Variants in SPDYA observed in about 807,000 individuals in gnomAD.
SPDYA encodes the protein speedy/RINGO cell cycle regulator family member A, also known as speedy protein A.
SPDYA carries 11 observed loss-of-function variants against 36.7 expected under a neutral mutation model. That is an observed-to-expected ratio of 0.30 (90% CI 0.19 to 0.50). The LOEUF is 0.50. SPDYA is among the 20% of genes least tolerant of loss of function. The pLI is 0.98. For synonymous variants in SPDYA, 115 were observed against 118.7 expected, an observed-to-expected ratio of 0.97 and a Z score of 0.20; for missense variants, 287 against 370.9, an observed-to-expected ratio of 0.77 and a Z score of 1.86.
intron 7 of SPDYA, among the ~76,000 whole-genome samples, chr2:28,843,526 T>G (rs1256199447): frequency 7.0e-6 from 1 of 142,736 alleles, no homozygotes; most frequent in Non-Finnish European, 1.5e-5. Flanking sequence ...CTCCAGCCTG[T>G]GCAAAAAGAG....
Position 28,829,205 on chromosome 2 carries a change from A to G in SPDYA, c.438A>G (p.Pro146=), listed in dbSNP as rs1264300213. ...DEEETKYEIF[P]WALGKNWRKL... ...AAGAAACCAAGTACGAAATTTTTCC[A>G]TGGGCTTTAGGGAAAAACTGGAGAA... is the stretch of plus-strand genomic sequence containing the variant. Residue 146 remains proline (P), a synonymous_variant, in exon 6 of 8, where the codon CCA becomes CCG. Coordinates refer to ENST00000334056, the MANE Select transcript of SPDYA (RefSeq NM_182756.4). 1.2e-6 allele frequency: 2 copies of G among 1,613,874 alleles called. No homozygotes were observed. The highest frequency in any genetic ancestry group is 2.2e-5 in the East Asian group (1 of 44,858).
chr2:28,832,437 A>G (rs1668500395), intron 6 of SPDYA, among the ~76,000 whole-genome samples: 1 of 152,172 alleles, frequency 6.6e-6, no homozygotes, highest in Admixed American at 6.5e-5. Flanking sequence ...TTCTATTGGT[A>G]TTAACTTATT....
At chr2:28,820,418 T>C (rs535985788) in intron 4 of SPDYA, among the ~76,000 whole-genome samples, 1 of 152,062 alleles carries the variant, frequency 6.6e-6, no homozygotes, top group South Asian at 2.1e-4. Context: ...AAACCCTGTC[T>C]CTACTAAAAA....
chr2:28,821,349 G>A (rs895595519), intron 4 of SPDYA, among the ~76,000 whole-genome samples: 1 of 151,864 alleles, frequency 6.6e-6, no homozygotes, highest in African/African-American at 2.4e-5. Context: ...ACAGGCATGT[G>A]CCACCACGCC....
rs1430710828 is a variant in SPDYA, at chr2:28,826,616, T to C, written c.381-2532T>C. ...TTCTTTTTCTTTCTTTCTCTCTTTTTTTTTTTTTTTTTTTTTTTTTGAGAC... is the reference window on the plus strand; with the variant it reads ...TTCTTTTTCTTTCTTTCTCTCTTTTCTTTTTTTTTTTTTTTTTTTTGAGAC... On this transcript the variant is annotated intron_variant, in intron 5 of 7. Coordinates refer to ENST00000334056, the MANE Select transcript of SPDYA (RefSeq NM_182756.4). Among the ~76,000 whole-genome samples the C allele has an allele frequency of 2.0e-3, 244 of 124,054 alleles. 1 individual carries two copies. Among genetic ancestry groups the C allele is most frequent in the African/African-American group, 2.6e-3 (86 of 33,456 alleles). 81.4% of individuals were successfully genotyped at this position (124,054 alleles called of 152,430 possible). A position where few individuals can be genotyped will look rare whatever the true frequency, so the allele number is the denominator to read the frequency against.
intron 7 of SPDYA, among the ~76,000 whole-genome samples, chr2:28,847,203 C>A (rs572250006): frequency 1.3e-5 from 2 of 151,784 alleles, no homozygotes; most frequent in East Asian, 3.9e-4. Context: ...ATTAGCCAGG[C>A]GTGGGAGCGT....
intron 4 of SPDYA, among the ~76,000 whole-genome samples, chr2:28,821,197 C>CTTT (rs11464702): frequency 2.4e-4 from 24 of 98,838 alleles, no homozygotes; most frequent in South Asian, 1.1e-3. Flanking sequence ...TTTTCTTTTT[C>CTTT]TTTTTTTTTT....
At chr2:28,846,473 T>C (rs1453137625) in intron 7 of SPDYA, among the ~76,000 whole-genome samples, 1 of 152,086 alleles carries the variant, frequency 6.6e-6, no homozygotes, top group Non-Finnish European at 1.5e-5. Flanking sequence ...TTAGTGACTA[T>C]TTACTGGGTA....
At chr2:28,820,052 T>A (rs1031585999) in intron 4 of SPDYA, among the ~76,000 whole-genome samples, 37 of 150,482 alleles carry the variant, frequency 2.5e-4, no homozygotes, top group Non-Finnish European at 1.0e-4. Flanking sequence ...AGAAAATCAG[T>A]ATAGACTTAA....
In SPDYA at chr2:28,824,497, A is replaced by C. The variant is rs1425812029; in HGVS notation, c.380+2087A>C. Among the ~76,000 whole-genome samples the C allele has an allele frequency of 2.7e-3, 407 of 149,864 alleles. 3 individuals are homozygous for C. The highest frequency in any genetic ancestry group is 9.1e-3 in the African/African-American group (372 of 41,044). On this transcript the variant is annotated intron_variant, in intron 5 of 7. Transcript: ENST00000334056. ...TCAGGAGAAAAAAAAAAAAACAAAA[A>C]AAAAAAACAGGACTAGAAGAAACTG...
At chr2:28,816,661 G>A (rs949643955) in intron 3 of SPDYA, among the ~76,000 whole-genome samples, 1 of 152,164 alleles carries the variant, frequency 6.6e-6, no homozygotes, top group Non-Finnish European at 1.5e-5. Context: ...AAACTAGGAA[G>A]CTTGGTCACA....
chr2:28,838,331 G>A (rs925864565), intron 6 of SPDYA, among the ~76,000 whole-genome samples: 2 of 151,738 alleles, frequency 1.3e-5, no homozygotes, highest in South Asian at 4.2e-4. Flanking sequence ...ATAGACATGC[G>A]CCACCATGCC....
intron 6 of SPDYA, among the ~76,000 whole-genome samples, chr2:28,833,404 T>A (rs1668521817): frequency 6.6e-6 from 1 of 152,142 alleles, no homozygotes; most frequent in South Asian, 2.1e-4. Context: ...CACTTACTAT[T>A]CCCATAACCT....
In SPDYA at chr2:28,816,087, T is replaced by C. The variant is rs1397555031; in HGVS notation, c.73T>C (p.Ser25Pro). The C allele has an allele frequency of 6.2e-7, 1 of 1,613,936 alleles. No homozygotes were observed. The highest frequency in any genetic ancestry group is 1.1e-5 in the South Asian group (1 of 91,076). ...TTATGTAAAATCAGGGTCAAATAGA[T>C]CACATCAGCCTAAAAAGCCCATTAC... ...TVYVKSGSNR[S>P]HQPKKPITLK... The change falls in exon 3 of 8, where the codon TCA becomes CCA. Residue 25 changes from serine to proline, a missense_variant. Ser to Pro is a moderately conservative substitution (Grantham distance 74, BLOSUM62 -1). Coordinates refer to ENST00000334056, the MANE Select transcript of SPDYA (RefSeq NM_182756.4).
At position 28,840,461 on chromosome 2, in the gene SPDYA, G is replaced by T; in HGVS notation, c.842G>T (p.Gly281Val). ...GGTGATCCTTCTCAAGCTTATACTGGTTCTGAAGGTATGATTTAGTAATAT... is the reference window on the plus strand; with the variant it reads ...GGTGATCCTTCTCAAGCTTATACTGTTTCTGAAGGTATGATTTAGTAATAT... ...IIGDPSQAYT[G>V]SEVVNDHQSN... The change falls in exon 7 of 8, where the codon GGT (glycine) becomes GTT (valine). Residue 281 changes from glycine (G) to valine (V), a missense_variant. Gly to Val is a moderately radical substitution (Grantham distance 109). Transcript: ENST00000334056. The T allele has an allele frequency of 6.2e-7, 1 of 1,613,564 alleles. No individual in the cohort carries two copies. Among genetic ancestry groups the T allele is most frequent in the Non-Finnish European group, 8.5e-7 (1 of 1,179,826 alleles).
chr2:28,845,264 T>G (rs1407942846), intron 7 of SPDYA, among the ~76,000 whole-genome samples: 4 of 138,942 alleles, frequency 2.9e-5, no homozygotes, highest in East Asian at 2.2e-4. Flanking sequence ...TTTTTTTTTT[T>G]CTTTTTTTTT....
chr2:28,829,813 A>G (rs1177382219), intron 6 of SPDYA, among the ~76,000 whole-genome samples: 5 of 151,778 alleles, frequency 3.3e-5, no homozygotes, highest in South Asian at 4.2e-4. Flanking sequence ...GCGTGGTGGC[A>G]GGCGCCTGTA....
chr2:28,846,731 A>ACG (rs1307398943), intron 7 of SPDYA, among the ~76,000 whole-genome samples: 6 of 62,362 alleles, frequency 9.6e-5, no homozygotes, highest in Admixed American at 2.7e-4. Context: ...CTACACACAC[A>ACG]CACACACACA....
intron 6 of SPDYA, among the ~76,000 whole-genome samples, chr2:28,831,736 C>G (rs1221632862): frequency 1.3e-5 from 2 of 151,914 alleles, no homozygotes; most frequent in Non-Finnish European, 2.9e-5. Flanking sequence ...ATGCATTACT[C>G]TCTTTTACTG....
Sources: gnomAD v4.1 joint callset for allele counts (sites outside exome capture counted in the v4.1 genomes callset) on GRCh38, gnomAD v4.1.1 for gene constraint, MANE v1.5 for transcripts, NCBI Gene and HGNC (gene_info 2026-07-23, HGNC 2026-07-21) for gene names.